Variants in LMAN2L observed in about 807,000 individuals in gnomAD.
LMAN2L encodes VIP36-like protein.
A neutral mutation model predicts 44.3 loss-of-function variants in LMAN2L; 30 were observed. The observed-to-expected ratio is 0.68, with a 90% CI of 0.51 to 0.92. The LOEUF (loss-of-function observed/expected upper bound fraction) is 0.92, where lower values mean the gene tolerates loss of function less well. LMAN2L is among the 40% of genes least tolerant of loss of function. The pLI is 0.00. For synonymous variants in LMAN2L, 183 were observed against 171.1 expected (o/e 1.07, Z -0.54); for missense variants, 429 against 446.1 (o/e 0.96, Z 0.35).
intron 4 of LMAN2L, among the ~76,000 whole-genome samples, chr2:96,730,751 T>C (rs891972109): frequency 3.9e-5 from 6 of 152,106 alleles, no homozygotes; most frequent in East Asian, 1.9e-4. Context: ...CAGCTCACAC[T>C]GCAACCTCCA....
chr2:96,709,408 G>A (rs1263127090), intron 6 of LMAN2L, among the ~76,000 whole-genome samples: 4 of 152,188 alleles, frequency 2.6e-5, no homozygotes, highest in Non-Finnish European at 5.9e-5. Flanking sequence ...GGAAGCTGCA[G>A]TTCCTTTTAG....
chr2:96,725,803 C>T (rs2078258929), intron 4 of LMAN2L, among the ~76,000 whole-genome samples: 1 of 151,782 alleles, frequency 6.6e-6, no homozygotes. Flanking sequence ...GTTGTTTTCT[C>T]ATTTCATTTT....
At chr2:96,712,081 T>C in intron 4 of LMAN2L, 56 bp from the exon 5 acceptor site, 1 of 1,558,192 alleles carries the variant, frequency 6.4e-7, no homozygotes. Context: ...GGAACGCCTG[T>C]ACAAACAGCA....
At chr2:96,708,634 A>C (rs756826668) in intron 6 of LMAN2L, among the ~76,000 whole-genome samples, 2 of 151,926 alleles carry the variant, frequency 1.3e-5, no homozygotes, top group Non-Finnish European at 2.9e-5. Flanking sequence ...GGTGAAGACC[A>C]CACACGTGCA....
intron 4 of LMAN2L, among the ~76,000 whole-genome samples, chr2:96,733,054 T>C (rs1377737770): frequency 6.6e-6 from 1 of 152,160 alleles, no homozygotes; most frequent in African/African-American, 2.4e-5. Context: ...TGGCCAATTA[T>C]AGCCTTTTCT....
In LMAN2L at chr2:96,711,789, T is replaced by G. The variant is rs754171909; in HGVS notation, c.670-19A>C. On this transcript the variant is annotated intron_variant, in intron 5 of 7. Transcript: ENST00000264963. ...TCATTATCTAGAATAAAAAGAGAGA[T>G]AAATCAGGGTCAGGCCATGGGAGCA... is the stretch of plus-strand genomic sequence containing the variant. 4.6e-5 allele frequency: 75 copies of G among 1,613,062 alleles called. No individual in the cohort carries two copies. Among genetic ancestry groups the G allele is most frequent in the Non-Finnish European group, 5.5e-5 (65 of 1,179,236 alleles).
intron 4 of LMAN2L, among the ~76,000 whole-genome samples, chr2:96,733,126 T>C (rs554582910): frequency 3.3e-5 from 5 of 152,104 alleles, no homozygotes; most frequent in Admixed American, 6.6e-5. Flanking sequence ...AGCTGAAAAG[T>C]GTGTGCAAGT....
intron 4 of LMAN2L, among the ~76,000 whole-genome samples, chr2:96,712,691 C>G (rs950348081): frequency 6.6e-6 from 1 of 152,208 alleles, no homozygotes; most frequent in Non-Finnish European, 1.5e-5. Flanking sequence ...CTCCTCCACA[C>G]GTAACTTCTC....
intron 4 of LMAN2L, among the ~76,000 whole-genome samples, chr2:96,730,001 G>T (rs985084921): frequency 6.6e-6 from 1 of 152,092 alleles, no homozygotes; most frequent in African/African-American, 2.4e-5. Context: ...GAATTACAAT[G>T]TGCACTTGGA....
intron 4 of LMAN2L, among the ~76,000 whole-genome samples, chr2:96,720,385 C>G (rs930007723): frequency 2.0e-5 from 3 of 152,136 alleles, no homozygotes; most frequent in Admixed American, 6.5e-5. Context: ...TTCCCTGCAA[C>G]TTTTCACCAA....
At chr2:96,709,907 C>T (rs2077875723) in intron 6 of LMAN2L, among the ~76,000 whole-genome samples, 1 of 152,218 alleles carries the variant, frequency 6.6e-6, no homozygotes, top group Non-Finnish European at 1.5e-5. Flanking sequence ...TTCTCCCCTG[C>T]CATTTCTGAC....
At chr2:96,727,633 A>G (rs2078297752) in intron 4 of LMAN2L, among the ~76,000 whole-genome samples, 1 of 152,206 alleles carries the variant, frequency 6.6e-6, no homozygotes, top group South Asian at 2.1e-4. Context: ...TCATGAACAA[A>G]TGTGGTAAGA....
chr2:96,738,658 G>C (rs901909766), intron 1 of LMAN2L, among the ~76,000 whole-genome samples: 2 of 152,094 alleles, frequency 1.3e-5, no homozygotes, highest in African/African-American at 4.8e-5. Flanking sequence ...CTAGGCAACG[G>C]AACAAGACCT....
At position 96,725,274 on chromosome 2, in the gene LMAN2L, A is replaced by AT. The variant is rs559067244; in HGVS notation, c.507+8244dup. On this transcript the variant is annotated intron_variant, in intron 4 of 7. Coordinates refer to ENST00000264963, the MANE Select transcript of LMAN2L (RefSeq NM_030805.4). ...GAGCCACCACGCCTGGCCTAATTTT[A>AT]TTTTTTGTAGAGACAAGATCTTGCT... Among the ~76,000 whole-genome samples, 5 of 150,850 alleles carry AT rather than the reference A, an allele frequency of 3.3e-5. No homozygotes were observed. The East Asian group carries it at 5.9e-4, about 18-fold the overall frequency.
intron 4 of LMAN2L, among the ~76,000 whole-genome samples, chr2:96,726,968 C>T (rs575148998): frequency 9.9e-5 from 15 of 151,934 alleles, no homozygotes; most frequent in Non-Finnish European, 2.1e-4. Context: ...TCTGTAATCT[C>T]ACCTACTTGG....
chr2:96,734,577 C>A (rs1215446842), intron 2 of LMAN2L, 51 bp from the exon 3 acceptor site: 1 of 1,147,198 alleles, frequency 8.7e-7, no homozygotes, highest in East Asian at 2.3e-5. Context: ...ATGCAAAACC[C>A]CTCAAGCCCA....
At chr2:96,737,150 C>T in intron 2 of LMAN2L, 1 of 456,478 alleles carries the variant, frequency 2.2e-6, no homozygotes, top group Middle Eastern at 3.3e-4. Flanking sequence ...TGTACAAAAT[C>T]ACAGTGCAGC....
intron 4 of LMAN2L, among the ~76,000 whole-genome samples, chr2:96,728,409 G>A (rs1167645763): frequency 6.6e-6 from 1 of 151,826 alleles, no homozygotes. Flanking sequence ...CGGAGGCTGA[G>A]GCAGGAGAAT....
At chr2:96,732,162 T>A (rs1373159945) in intron 4 of LMAN2L, among the ~76,000 whole-genome samples, 1 of 150,966 alleles carries the variant, frequency 6.6e-6, no homozygotes, top group Non-Finnish European at 1.5e-5. Flanking sequence ...CTTCTAATGT[T>A]TTTTAAGTTT....
Sources: allele counts gnomAD v4.1 joint callset (sites outside exome capture counted in the v4.1 genomes callset), GRCh38; gene constraint gnomAD v4.1.1; transcripts MANE v1.5; gene names NCBI Gene and HGNC (gene_info 2026-07-23, HGNC 2026-07-21).